Variants in EXOC6B observed in about 807,000 individuals in gnomAD.
EXOC6B encodes the protein exocyst complex component 6B.
EXOC6B carries 54 observed loss-of-function variants against 113.5 expected under a neutral mutation model. The ratio of observed to expected loss-of-function variants is 0.48; its 90% CI spans 0.38 to 0.60. EXOC6B has a LOEUF of 0.60. Ranked by LOEUF, EXOC6B falls within the 20% of genes least tolerant of loss-of-function variation. The pLI, the probability that EXOC6B is intolerant of heterozygous loss-of-function variation, is 0.00. For missense variants in EXOC6B, 797 were observed against 977.5 expected, an observed-to-expected ratio of 0.82 and a Z score of 2.46; for synonymous variants, 357 against 339.0, an observed-to-expected ratio of 1.05 and a Z score of -0.58.
At chr2:72,536,247 T>C (rs1702281651) in intron 8 of EXOC6B, among the ~76,000 whole-genome samples, 1 of 152,328 alleles carries the variant, frequency 6.6e-6, no homozygotes, top group East Asian at 1.9e-4. Context: ...CATTTTATAT[T>C]TATTTCTATT....
At chr2:72,199,986 T>C (rs999357889) in intron 20 of EXOC6B, among the ~76,000 whole-genome samples, 1 of 152,100 alleles carries the variant, frequency 6.6e-6, no homozygotes, top group African/African-American at 2.4e-5. Flanking sequence ...AACCTCCACC[T>C]CCCGGGTTCA....
chr2:72,704,571 A>G (rs1258917725), intron 6 of EXOC6B, among the ~76,000 whole-genome samples: 3 of 152,162 alleles, frequency 2.0e-5, no homozygotes, highest in Non-Finnish European at 2.9e-5. Context: ...CAACATTGAT[A>G]GACCGCTAGC....
At chr2:72,258,365 T>TC (rs1405931672) in intron 20 of EXOC6B, among the ~76,000 whole-genome samples, 3 of 145,520 alleles carry the variant, frequency 2.1e-5, no homozygotes, top group African/African-American at 7.6e-5. Flanking sequence ...CTTTTTCTTT[T>TC]TTTTTTTTTT....
chr2:72,460,007 G>GAT (rs1697518344), intron 18 of EXOC6B, among the ~76,000 whole-genome samples: 1 of 151,968 alleles, frequency 6.6e-6, no homozygotes. Flanking sequence ...CCAAAACAGA[G>GAT]ATATAGATCA....
intron 6 of EXOC6B, among the ~76,000 whole-genome samples, chr2:72,667,013 C>A (rs916130759): frequency 6.6e-6 from 1 of 152,050 alleles, no homozygotes; most frequent in African/African-American, 2.4e-5. Flanking sequence ...CAGGTGCATG[C>A]CACCACAGCC....
intron 8 of EXOC6B, among the ~76,000 whole-genome samples, chr2:72,556,783 C>T (rs1263033625): frequency 6.6e-6 from 1 of 151,388 alleles, no homozygotes; most frequent in African/African-American, 2.4e-5. Flanking sequence ...ACTTATATGG[C>T]TAAAATTGAT....
intron 16 of EXOC6B, among the ~76,000 whole-genome samples, chr2:72,485,736 T>C (rs1208010048): frequency 2.0e-5 from 3 of 152,212 alleles, no homozygotes; most frequent in Non-Finnish European, 4.4e-5. Context: ...ATAAATGGAA[T>C]GTGGAAAATG....
intron 20 of EXOC6B, among the ~76,000 whole-genome samples, chr2:72,234,259 T>C (rs1681819870): frequency 6.6e-6 from 1 of 152,046 alleles, no homozygotes; most frequent in South Asian, 2.1e-4. Context: ...TAATTTTTTG[T>C]ATTTTTAGTA....
At chr2:72,600,152 T>A (rs1265733010) in intron 6 of EXOC6B, among the ~76,000 whole-genome samples, 7 of 151,778 alleles carry the variant, frequency 4.6e-5, no homozygotes, top group Non-Finnish European at 1.0e-4. Context: ...CTATAAAAGG[T>A]AAAACTGGCC....
chr2:72,690,689 G>A (rs752535825), intron 6 of EXOC6B, among the ~76,000 whole-genome samples: 56 of 152,120 alleles, frequency 3.7e-4, no homozygotes, highest in Admixed American at 1.4e-3. Context: ...TTTTCATGAA[G>A]TATAGGCTTT....
At chr2:72,204,400 A>G (rs959760111) in intron 20 of EXOC6B, among the ~76,000 whole-genome samples, 3 of 152,014 alleles carry the variant, frequency 2.0e-5, no homozygotes, top group African/African-American at 4.8e-5. Context: ...CATTCTCCAA[A>G]AGGCAGAGAA....
intron 6 of EXOC6B, among the ~76,000 whole-genome samples, chr2:72,622,579 G>A (rs770187786): frequency 6.6e-6 from 1 of 152,002 alleles, no homozygotes; most frequent in South Asian, 2.1e-4. Flanking sequence ...GTGTGGTGGC[G>A]TATGCCTGTG....
chr2:72,671,912 AAAG>A lies in EXOC6B; in HGVS notation c.669+46188_669+46190del, dbSNP rs538403342. On this transcript the variant is annotated intron_variant, in intron 6 of 21. Coordinates refer to ENST00000272427, the MANE Select transcript of EXOC6B (RefSeq NM_015189.3). The stretch of plus-strand genomic sequence containing the variant: ...GGAAGGAAAAGAAAGAGAAAGAAAG[AAAG>A]AAAAGAAAGAAAGAGAAAGAAAAAA... 1.4e-3 allele frequency among the ~76,000 whole-genome samples: 216 copies of A among 151,656 alleles called. 1 individual carries two copies. The highest frequency in any genetic ancestry group is 2.3e-3 in the South Asian group (11 of 4,816).
At chr2:72,247,913 A>G (rs1682767041) in intron 20 of EXOC6B, among the ~76,000 whole-genome samples, 1 of 152,152 alleles carries the variant, frequency 6.6e-6, no homozygotes, top group African/African-American at 2.4e-5. Context: ...AATCTTGGAG[A>G]GTCATCTATT....
chr2:72,210,473 C>T (rs62147574), intron 20 of EXOC6B, among the ~76,000 whole-genome samples: 10,671 of 152,154 alleles, frequency 0.07, 500 homozygotes, highest in African/African-American at 0.14. Context: ...AGCTGGATAC[C>T]CATTTCCCAG....
intron 18 of EXOC6B, among the ~76,000 whole-genome samples, chr2:72,416,382 C>G (rs935603480): frequency 6.6e-6 from 1 of 152,112 alleles, no homozygotes; most frequent in Non-Finnish European, 1.5e-5. Flanking sequence ...AAATGTGGTG[C>G]GTTTTACTCT....
Position 72,179,211 on chromosome 2 carries a change from G to T in EXOC6B, c.*124C>A, listed in dbSNP as rs369795491. 21 of 1,108,808 alleles carry T rather than the reference G, an allele frequency of 1.9e-5. No individual in the cohort carries two copies. In the African/African-American group the frequency reaches 2.4e-4, roughly 13 times the overall value. The allele number at this position is 1,108,808 out of a possible 1,614,324, so 68.7% of individuals were successfully genotyped here. A position where few individuals can be genotyped will look rare whatever the true frequency, so the allele number is the denominator to read the frequency against. ...AATGTTATGTGAATACTGCACAGGG[G>T]TTAATAAAAAAATACATATGCTCTC... On this transcript the variant is annotated 3_prime_UTR_variant, in exon 22 of 22. Coordinates refer to ENST00000272427, the MANE Select transcript of EXOC6B (RefSeq NM_015189.3).
intron 1 of EXOC6B, among the ~76,000 whole-genome samples, chr2:72,771,419 G>A (rs1209150016): frequency 6.6e-6 from 1 of 152,054 alleles, no homozygotes; most frequent in Non-Finnish European, 1.5e-5. Flanking sequence ...TAAAACTATA[G>A]TCTGTACCTC....
chr2:72,555,808 G>C (rs536180724), intron 8 of EXOC6B, among the ~76,000 whole-genome samples: 10 of 151,974 alleles, frequency 6.6e-5, no homozygotes, highest in Non-Finnish European at 1.2e-4. Context: ...CACCACGCCT[G>C]GCTAATTTTT....
Sources: allele counts gnomAD v4.1 joint callset (sites outside exome capture counted in the v4.1 genomes callset), GRCh38; gene constraint gnomAD v4.1.1; transcripts MANE v1.5; gene names NCBI Gene and HGNC (gene_info 2026-07-23, HGNC 2026-07-21).